The following ANGPT1 variants were observed in gnomAD, a reference collection of about 807,000 sequenced individuals.
The protein encoded by ANGPT1 is angiopoietin-1.
A neutral mutation model predicts 62.2 loss-of-function variants in ANGPT1; 17 were observed. That is an observed-to-expected ratio of 0.27 (90% CI 0.19 to 0.41). ANGPT1 has a LOEUF of 0.41. ANGPT1 is among the 10% of genes least tolerant of loss of function. The pLI, the probability that ANGPT1 is intolerant of heterozygous loss-of-function variation, is 1.00. For missense variants in ANGPT1, 478 were observed against 594.9 expected (o/e 0.80, Z 2.04); for synonymous variants, 199 against 198.9 (o/e 1.00, Z 0.00).
intron 1 of ANGPT1, among the ~76,000 whole-genome samples, chr8:107,438,365 A>T (rs562094267): frequency 2.0e-5 from 3 of 151,186 alleles, no homozygotes; most frequent in African/African-American, 7.3e-5. Context: ...TTGTCATTTG[A>T]TATAATTCCA....
At chr8:107,353,920 T>C (rs1815986130) in intron 1 of ANGPT1, among the ~76,000 whole-genome samples, 1 of 152,106 alleles carries the variant, frequency 6.6e-6, no homozygotes, top group African/African-American at 2.4e-5. Flanking sequence ...ATACTAATAA[T>C]GTGAGTGGAT....
rs922930564 is a variant in ANGPT1, at chr8:107,497,433, G to A, written c.126C>T (p.Ala42=). ...CGTGTTCTGGAAGAATGAAAGTGTA[G>A]GCACATTGCCCATGTTGAATCCGGT... ...RYNRIQHGQC[A]YTFILPEHDG... Residue 42 remains alanine (A), a synonymous_variant, in exon 1 of 9, where the codon GCC becomes GCT. Transcript: ENST00000517746. The A allele has an allele frequency of 2.5e-6, 4 of 1,614,154 alleles. No homozygotes were observed. Among genetic ancestry groups the A allele is most frequent in the Non-Finnish European group, 3.4e-6 (4 of 1,180,024 alleles).
At chr8:107,418,790 G>C (rs1015919304) in intron 1 of ANGPT1, among the ~76,000 whole-genome samples, 1 of 152,118 alleles carries the variant, frequency 6.6e-6, no homozygotes. Flanking sequence ...ATCCCAGTTG[G>C]GGCCAGCCAT....
intron 1 of ANGPT1, among the ~76,000 whole-genome samples, chr8:107,477,769 A>G (rs892014526): frequency 2.0e-5 from 3 of 152,066 alleles, no homozygotes; most frequent in Admixed American, 6.6e-5. Flanking sequence ...TCTCAAACAA[A>G]ATTTCTTATA....
chr8:107,359,493 T>C (rs1340838500), intron 1 of ANGPT1, among the ~76,000 whole-genome samples: 2 of 152,214 alleles, frequency 1.3e-5, no homozygotes, highest in Non-Finnish European at 2.9e-5. Flanking sequence ...ATTGATTCTA[T>C]AGTTATTCTC....
At chr8:107,300,024 G>T (rs570920360) in intron 5 of ANGPT1, among the ~76,000 whole-genome samples, 2 of 138,962 alleles carry the variant, frequency 1.4e-5, no homozygotes, top group Admixed American at 7.2e-5. Flanking sequence ...TAGATATGTA[G>T]TTATATCTAG....
rs756747767 is a variant in ANGPT1, at chr8:107,322,164, A to G, written c.576-36T>C. The G allele has an allele frequency of 1.1e-5, 17 of 1,481,812 alleles. No individual in the cohort carries two copies. The East Asian group carries it at 3.7e-4, about 32-fold the overall frequency. 91.8% of individuals were successfully genotyped at this position (1,481,812 alleles called of 1,614,324 possible). ...GTGAAAATAAAACTTAGATTTGAAA[A>G]AATGTTATACAAAAAAACCCTTATA... On this transcript the variant is annotated intron_variant, in intron 3 of 8. Coordinates refer to ENST00000517746, the MANE Select transcript of ANGPT1 (RefSeq NM_001146.5).
intron 1 of ANGPT1, among the ~76,000 whole-genome samples, chr8:107,387,234 T>C (rs1816748941): frequency 6.6e-6 from 1 of 152,148 alleles, no homozygotes; most frequent in African/African-American, 2.4e-5. Context: ...GTGCCAAGTA[T>C]GAGCAACGTT....
intron 1 of ANGPT1, among the ~76,000 whole-genome samples, chr8:107,450,564 A>G (rs1393678210): frequency 6.6e-6 from 1 of 151,982 alleles, no homozygotes; most frequent in Admixed American, 6.6e-5. Context: ...AGAAATTGCC[A>G]AGAGCATTCA....
In ANGPT1 at chr8:107,493,494, A is replaced by G. The variant is rs561698348; in HGVS notation, c.297+3768T>C. Among the ~76,000 whole-genome samples the G allele has an allele frequency of 5.4e-4, 82 of 150,628 alleles. 3 individuals carry two copies. The highest frequency in any genetic ancestry group is 1.9e-3 in the African/African-American group (78 of 40,944). ...AATATAATTTGAATAATTAATAACC[A>G]CCTACTCTGGACCCAATATTGTTTT... On this transcript the variant is annotated intron_variant, in intron 1 of 8. Transcript: ENST00000517746.
intron 1 of ANGPT1, among the ~76,000 whole-genome samples, chr8:107,470,663 T>C (rs973007284): frequency 1.3e-5 from 2 of 152,146 alleles, no homozygotes; most frequent in Non-Finnish European, 2.9e-5. Flanking sequence ...ATTTTGGCTT[T>C]TGTTGCCATT....
chr8:107,338,621 T>A (rs1205304018), intron 2 of ANGPT1, among the ~76,000 whole-genome samples: 1 of 152,242 alleles, frequency 6.6e-6, no homozygotes, highest in African/African-American at 2.4e-5. Context: ...GTTTCAGCGT[T>A]TTAAAAAACA....
chr8:107,381,569 A>T (rs537826294), intron 1 of ANGPT1, among the ~76,000 whole-genome samples: 7 of 152,160 alleles, frequency 4.6e-5, no homozygotes, highest in Non-Finnish European at 8.8e-5. Context: ...ACTCATGAAG[A>T]CTCCTGAATT....
intron 1 of ANGPT1, among the ~76,000 whole-genome samples, chr8:107,432,038 C>T (rs546065167): frequency 6.6e-6 from 1 of 151,964 alleles, no homozygotes; most frequent in Admixed American, 6.6e-5. Context: ...TGGTACCTCT[C>T]TAATAACACA....
chr8:107,437,194 G>C (rs1267163031), intron 1 of ANGPT1, among the ~76,000 whole-genome samples: 1 of 152,092 alleles, frequency 6.6e-6, no homozygotes, highest in African/African-American at 2.4e-5. Context: ...TAACTGGCCT[G>C]TTAAGAAACT....
chr8:107,276,774 GTC>G (rs747407163), intron 7 of ANGPT1, among the ~76,000 whole-genome samples: 38 of 152,262 alleles, frequency 2.5e-4, no homozygotes, highest in South Asian at 1.5e-3. Context: ...TAGAGTTCAT[GTC>G]TCTGGATTCC....
chr8:107,273,061 C>T (rs890626235), intron 7 of ANGPT1, among the ~76,000 whole-genome samples: 5 of 152,000 alleles, frequency 3.3e-5, no homozygotes, highest in African/African-American at 1.2e-4. Context: ...GCCTAAAAGA[C>T]CAGGCCAATG....
chr8:107,336,084 T>C, intron 3 of ANGPT1, 66 bp downstream of exon 3: 1 of 1,443,154 alleles, frequency 6.9e-7, no homozygotes, highest in South Asian at 1.6e-5. Flanking sequence ...GTTTAAGAGT[T>C]GGCAGAGAGG....
At chr8:107,431,747 A>C (rs1256969416) in intron 1 of ANGPT1, among the ~76,000 whole-genome samples, 1 of 142,250 alleles carries the variant, frequency 7.0e-6, no homozygotes, top group Admixed American at 7.1e-5. Context: ...TTTTTTTTTT[A>C]TCATCAAAGT....
Sources: allele counts gnomAD v4.1 joint callset (sites outside exome capture counted in the v4.1 genomes callset), GRCh38; gene constraint gnomAD v4.1.1; transcripts MANE v1.5; gene names NCBI Gene and HGNC (gene_info 2026-07-23, HGNC 2026-07-21).